LYN: variants seen among roughly 807,000 people sequenced by gnomAD.
LYN encodes LYN proto-oncogene, Src family tyrosine kinase, also known as tyrosine-protein kinase Lyn.
LYN carries 12 observed loss-of-function variants against 65.0 expected under a neutral mutation model. That is an observed-to-expected ratio of 0.18 (90% CI 0.12 to 0.30). The LOEUF is 0.30. Ranked by LOEUF, LYN falls within the 10% of genes least tolerant of loss-of-function variation. The pLI is 1.00. For missense variants in LYN, 380 were observed against 623.2 expected (o/e 0.61, Z 4.16); for synonymous variants, 222 against 221.2 (o/e 1.00, Z -0.03).
intron 8 of LYN, among the ~76,000 whole-genome samples, chr8:55,962,726 G>C (rs1355171466): frequency 2.0e-5 from 3 of 152,190 alleles, no homozygotes; most frequent in Non-Finnish European, 4.4e-5. Context: ...TGGAGTTCAT[G>C]TTAGTCCATT....
intron 1 of LYN, among the ~76,000 whole-genome samples, chr8:55,887,164 C>T (rs1022997538): frequency 2.0e-5 from 3 of 152,174 alleles, no homozygotes; most frequent in Admixed American, 6.5e-5. Flanking sequence ...AAGCTGAACA[C>T]GGCCAGGCGG....
chr8:55,923,634 G>T (rs531418252), intron 1 of LYN, among the ~76,000 whole-genome samples: 17 of 152,046 alleles, frequency 1.1e-4, no homozygotes, highest in Admixed American at 9.8e-4. Flanking sequence ...CCGCCTCCTG[G>T]GTTCAAGCGA....
chr8:55,977,654 T>G (rs1807793755), intron 10 of LYN, among the ~76,000 whole-genome samples: 1 of 151,762 alleles, frequency 6.6e-6, no homozygotes, highest in Non-Finnish European at 1.5e-5. Context: ...GGCTCATGCC[T>G]GTAATCCCAG....
At chr8:55,955,900 AGTTT>A (rs1275852453) in intron 8 of LYN, among the ~76,000 whole-genome samples, 3 of 152,170 alleles carry the variant, frequency 2.0e-5, no homozygotes, top group East Asian at 1.9e-4. Flanking sequence ...ACTATAACAG[AGTTT>A]GTTTATCTAC....
intron 1 of LYN, among the ~76,000 whole-genome samples, chr8:55,937,600 T>C (rs968989443): frequency 6.6e-6 from 1 of 152,204 alleles, no homozygotes; most frequent in Non-Finnish European, 1.5e-5. Context: ...CAATGCAAGA[T>C]TGCATCTTTG....
At chr8:55,946,395 T>G (rs1401881833) in intron 2 of LYN, 53 bp from the exon 3 acceptor site, 19 of 1,139,818 alleles carry the variant, frequency 1.7e-5, no homozygotes, top group Non-Finnish European at 2.0e-5. Flanking sequence ...AACACGAATG[T>G]GAGTAAGAAA....
chr8:55,934,098 C>T (rs1806349926), intron 1 of LYN, among the ~76,000 whole-genome samples: 1 of 152,068 alleles, frequency 6.6e-6, no homozygotes, highest in African/African-American at 2.4e-5. Flanking sequence ...TGGTGGCGAG[C>T]GCCTGTAGTC....
At chr8:55,910,593 T>G (rs1274615155) in intron 1 of LYN, among the ~76,000 whole-genome samples, 2 of 152,210 alleles carry the variant, frequency 1.3e-5, no homozygotes, top group African/African-American at 2.4e-5. Flanking sequence ...TGCCTCTAGC[T>G]TTGCTCCTTC....
intron 2 of LYN, 41 bp from the exon 3 acceptor site, chr8:55,946,407 G>A (rs890818736): frequency 2.2e-6 from 3 of 1,383,894 alleles, no homozygotes; most frequent in Non-Finnish European, 3.1e-6. Flanking sequence ...AGTAAGAAAA[G>A]CTAAACAGAA....
At chr8:55,934,111 A>ACTACTT in intron 1 of LYN, among the ~76,000 whole-genome samples, 1 of 152,170 alleles carries the variant, frequency 6.6e-6, no homozygotes, top group Admixed American at 6.5e-5. Flanking sequence ...CTGTAGTCCC[A>ACTACTT]GCTACTCAGG....
At chr8:55,953,759 A>G in intron 7 of LYN, 73 bp from the exon 8 acceptor site, 3 of 1,482,590 alleles carry the variant, frequency 2.0e-6, no homozygotes, top group East Asian at 2.3e-5. Flanking sequence ...CTAGTGTTCA[A>G]CTTTTCTTTA....
At chr8:55,950,329 A>T in intron 4 of LYN, 130 bp from the exon 5 acceptor site, 2 of 634,740 alleles carry the variant, frequency 3.2e-6, no homozygotes, top group Non-Finnish European at 5.3e-6. Context: ...TGTTTTCTTT[A>T]TTTTTAATTT....
In LYN at chr8:56,010,583, A is replaced by C. The variant is rs1808786106; in HGVS notation, c.*473A>C. ...TTGGCTTACTTGTTTAAAAAAAAAA[A>C]AAAACTAATCCAACCTGTTAGATTT... On this transcript the variant is annotated 3_prime_UTR_variant, in exon 13 of 13. Coordinates refer to ENST00000519728, the MANE Select transcript of LYN (RefSeq NM_002350.4). 1 of 233,282 alleles carries C rather than the reference A, an allele frequency of 4.3e-6. No individual in the cohort carries two copies. Among genetic ancestry groups the C allele is most frequent in the Non-Finnish European group, 8.5e-6 (1 of 117,818 alleles). The allele number at this position is 233,282 out of a possible 1,614,324, so 14.5% of individuals were successfully genotyped here. A position where few individuals can be genotyped will look rare whatever the true frequency, so the allele number is the denominator to read the frequency against.
At position 55,984,508 on chromosome 8, in the gene LYN, C is replaced by T. The variant is rs140930690; in HGVS notation, c.1051-13838C>T. Among the ~76,000 whole-genome samples the T allele has an allele frequency of 3.3e-5, 5 of 152,354 alleles. No individual in the cohort carries two copies. The East Asian group carries it at 9.6e-4, about 29-fold the overall frequency. ...CCCAACACTCAAAGTCATTCTTGAC[C>T]CTCTTCCTTTTACATTGTATATCCA... On this transcript the variant is annotated intron_variant, in intron 10 of 12. Coordinates refer to ENST00000519728, the MANE Select transcript of LYN (RefSeq NM_002350.4).
At position 55,997,786 on chromosome 8, in the gene LYN, A is replaced by G. The variant is rs367652231; in HGVS notation, c.1051-560A>G. The stretch of plus-strand genomic sequence containing the variant: ...GTCTTGAAAAGATTCTTCACACATT[A>G]GAAAATGTTAAGACATGGCCAGGCG... On this transcript the variant is annotated intron_variant, in intron 10 of 12. Coordinates refer to ENST00000519728, the MANE Select transcript of LYN (RefSeq NM_002350.4). Among the ~76,000 whole-genome samples, 4 of 152,344 alleles carry G rather than the reference A, an allele frequency of 2.6e-5. No homozygotes were observed. The South Asian group carries it at 6.2e-4, about 24-fold the overall frequency.
At chr8:56,003,049 G>GTTT (rs1808561797) in intron 12 of LYN, among the ~76,000 whole-genome samples, 1 of 149,820 alleles carries the variant, frequency 6.7e-6, no homozygotes, top group African/African-American at 2.5e-5. Context: ...TGCTGGCTAT[G>GTTT]TTTTTGTTTT....
chr8:55,986,602 A>G (rs1808079708), intron 10 of LYN, among the ~76,000 whole-genome samples: 2 of 152,176 alleles, frequency 1.3e-5, no homozygotes, highest in African/African-American at 2.4e-5. Context: ...TGACAGATTG[A>G]CTAGATTTTG....
chr8:55,907,630 A>T (rs985831845), intron 1 of LYN, among the ~76,000 whole-genome samples: 5 of 151,996 alleles, frequency 3.3e-5, no homozygotes, highest in Non-Finnish European at 7.4e-5. Context: ...ACTTTGAGAG[A>T]CCCACGTGGA....
chr8:55,974,570 A>G (rs889424354), intron 10 of LYN, among the ~76,000 whole-genome samples: 2 of 152,148 alleles, frequency 1.3e-5, no homozygotes, highest in Non-Finnish European at 2.9e-5. Context: ...AGCCCTTGTA[A>G]TATCTCTTGG....
Sources: allele counts gnomAD v4.1 joint callset (sites outside exome capture counted in the v4.1 genomes callset), GRCh38; gene constraint gnomAD v4.1.1; transcripts MANE v1.5; gene names NCBI Gene and HGNC (gene_info 2026-07-23, HGNC 2026-07-21).